The following IL12RB2 variants were observed in gnomAD, a reference collection of about 807,000 sequenced individuals.
The protein encoded by IL12RB2 is interleukin 12 receptor subunit beta 2, also known as interleukin-12 receptor subunit beta-2.
Under a neutral mutation model 89.4 loss-of-function variants are expected in IL12RB2, and 82 were observed. The observed-to-expected ratio is 0.92, with a 90% CI of 0.77 to 1.10. The LOEUF (loss-of-function observed/expected upper bound fraction) is 1.10, where lower values mean the gene tolerates loss of function less well. Among genes scored for constraint, IL12RB2 ranks in the 50% least tolerant of loss-of-function variants. The pLI, the probability that IL12RB2 is intolerant of heterozygous loss-of-function variation, is 0.00. For missense variants in IL12RB2, 963 were observed against 1,031.9 expected, an observed-to-expected ratio of 0.93 and a Z score of 0.92; for synonymous variants, 368 against 370.1, an observed-to-expected ratio of 0.99 and a Z score of 0.07.
chr1:67,347,466 T>C (rs933089931), intron 9 of IL12RB2, among the ~76,000 whole-genome samples: 1 of 152,226 alleles, frequency 6.6e-6, no homozygotes, highest in African/African-American at 2.4e-5. Context: ...AACAGATGCA[T>C]TGCATTCTGA....
chr1:67,337,721 C>T (rs181520767), intron 8 of IL12RB2, among the ~76,000 whole-genome samples: 164 of 151,984 alleles, frequency 1.1e-3, no homozygotes, highest in Non-Finnish European at 2.0e-3. Context: ...ATAGGACTTC[C>T]CTTTAAGTAC....
intron 1 of IL12RB2, among the ~76,000 whole-genome samples, chr1:67,311,431 C>G (rs1037038438): frequency 6.6e-6 from 1 of 152,148 alleles, no homozygotes; most frequent in African/African-American, 2.4e-5. Context: ...AATTCGAATC[C>G]AATTCTGGAT....
intron 13 of IL12RB2, 144 bp from the exon 14 acceptor site, chr1:67,379,842 C>A: frequency 1.5e-6 from 1 of 687,242 alleles, no homozygotes; most frequent in Non-Finnish European, 2.6e-6. Context: ...GTATTAAGTA[C>A]TGAGGAATTT....
rs1439324172 is a variant in IL12RB2 at position 67,390,229 on chromosome 1, A to G, written c.2046+101A>G. ...GAGGAAGCCTGGGTGCTGAGATCCT[A>G]TGGTTGAGCTTAAGTTATTCACGCT... On this transcript the variant is annotated intron_variant, in intron 16 of 16. Coordinates refer to ENST00000674203, the MANE Select transcript of IL12RB2 (RefSeq NM_001374259.2). The G allele has an allele frequency of 1.4e-5, 10 of 738,524 alleles. No individual in the cohort carries two copies. The East Asian group carries it at 1.6e-4, about 12-fold the overall frequency. The allele number at this position is 738,524 out of a possible 1,614,324, so 45.7% of individuals were successfully genotyped here.
At chr1:67,307,722 G>T (rs889220681), upstream of IL12RB2, 25 of 152,194 alleles carry the variant, frequency 1.6e-4, no homozygotes, top group African/African-American at 5.6e-4. Context: ...AGTCCTCTCC[G>T]CCCTGCGGCC....
chr1:67,386,871 T>TA (rs1557476264), intron 15 of IL12RB2, among the ~76,000 whole-genome samples: 51 of 24,340 alleles, frequency 2.1e-3, no homozygotes, highest in African/African-American at 3.2e-3. Context: ...AGAAATGTAT[T>TA]TTATATATAT....
intron 15 of IL12RB2, 105 bp from the exon 16 acceptor site, chr1:67,389,924 G>A: frequency 1.4e-6 from 1 of 725,764 alleles, no homozygotes; most frequent in Middle Eastern, 3.2e-4. Context: ...TCTTTTATTT[G>A]CATACAAAAG....
At chr1:67,378,705 C>G (rs1664230761) in intron 13 of IL12RB2, among the ~76,000 whole-genome samples, 1 of 151,520 alleles carries the variant, frequency 6.6e-6, no homozygotes, top group African/African-American at 2.4e-5. Context: ...CAAAACTTAG[C>G]CAAGCATGGT....
chr1:67,309,762 G>A (rs79064303), intron 1 of IL12RB2, among the ~76,000 whole-genome samples: 298 of 152,238 alleles, frequency 2.0e-3, no homozygotes, highest in African/African-American at 6.9e-3. Flanking sequence ...TAGGTATTGG[G>A]CATCATTTCT....
Position 67,313,926 on chromosome 1 carries a change from A to G in IL12RB2, c.-111A>G, listed in dbSNP as rs1452447568. The G allele has an allele frequency of 6.6e-6, 1 of 152,192 alleles. No homozygotes were observed. The highest frequency in any genetic ancestry group is 1.5e-5 in the Non-Finnish European group (1 of 68,054). 9.4% of individuals were successfully genotyped at this position (152,192 alleles called of 1,614,324 possible). A position where few individuals can be genotyped will look rare whatever the true frequency, so the allele number is the denominator to read the frequency against. On this transcript the variant is annotated 5_prime_UTR_variant, in exon 2 of 17. Coordinates refer to ENST00000674203, the MANE Select transcript of IL12RB2 (RefSeq NM_001374259.2). The stretch of plus-strand genomic sequence containing the variant: ...CTTTTTTTCTAGGTCACGGTGATCC[A>G]TTTGTAAAGTCGGGAATAAATGACC...
intron 8 of IL12RB2, 59 bp downstream of exon 8, chr1:67,330,869 G>C: frequency 5.5e-6 from 5 of 908,502 alleles, no homozygotes; most frequent in African/African-American, 1.6e-5. Context: ...GAGGGGGGAA[G>C]ATGTAATGAT....
chr1:67,318,514 G>A (rs928255961), intron 2 of IL12RB2, among the ~76,000 whole-genome samples: 2 of 152,126 alleles, frequency 1.3e-5, no homozygotes, highest in African/African-American at 4.8e-5. Context: ...ATGGAGAGAA[G>A]TGCATTGATC....
In IL12RB2 at chr1:67,397,448, C is replaced by G. The variant is rs1273425694; in HGVS notation, c.*1359C>G. ...GAGGTTGTCCTCAGAAGTGGTCTGT[C>G]CCCTGTTCCCAAAGGCACAGCTTTC... On this transcript the variant is annotated 3_prime_UTR_variant, in exon 17 of 17. Transcript: ENST00000674203. 1.3e-5 allele frequency among the ~76,000 whole-genome samples: 2 copies of G among 152,196 alleles called. No individual in the cohort carries two copies. The highest frequency in any genetic ancestry group is 2.9e-5 in the Non-Finnish European group (2 of 68,042).
At chr1:67,376,812 C>T (rs1664039282) in intron 13 of IL12RB2, among the ~76,000 whole-genome samples, 1 of 152,168 alleles carries the variant, frequency 6.6e-6, no homozygotes, top group African/African-American at 2.4e-5. Flanking sequence ...GTTAAGGATG[C>T]CCTCACAGAG....
intron 8 of IL12RB2, among the ~76,000 whole-genome samples, chr1:67,337,137 C>A (rs1019207976): frequency 6.6e-6 from 1 of 152,210 alleles, no homozygotes; most frequent in South Asian, 2.1e-4. Context: ...CACCTGCCCT[C>A]TACATGTGGG....
At chr1:67,385,416 G>A (rs1029459023) in intron 14 of IL12RB2, among the ~76,000 whole-genome samples, 1 of 152,138 alleles carries the variant, frequency 6.6e-6, no homozygotes, top group East Asian at 1.9e-4. Context: ...ACCTCCCAGT[G>A]GGTCCCTCCC....
chr1:67,367,686 G>C (rs1662857651), intron 10 of IL12RB2, 139 bp from the exon 11 acceptor site: 1 of 693,722 alleles, frequency 1.4e-6, no homozygotes, highest in Admixed American at 2.2e-5. Flanking sequence ...ACTTAAATCT[G>C]TGACTCCAAA....
chr1:67,368,580 G>A lies in IL12RB2; in HGVS notation c.1459+555G>A, dbSNP rs138423023. 1.6e-3 allele frequency among the ~76,000 whole-genome samples: 239 copies of A among 152,352 alleles called. 1 individual carries two copies. The highest frequency in any genetic ancestry group is 5.5e-3 in the African/African-American group (229 of 41,580). ...TAATCCTCAGTTTCCTAATCTGTCAGTGGTGAGAATCAAGTGAGAGAACGC... is the reference window on the plus strand; with the variant it reads ...TAATCCTCAGTTTCCTAATCTGTCAATGGTGAGAATCAAGTGAGAGAACGC... On this transcript the variant is annotated intron_variant, in intron 11 of 16. Coordinates refer to ENST00000674203, the MANE Select transcript of IL12RB2 (RefSeq NM_001374259.2).
In IL12RB2 at chr1:67,397,343, C is replaced by T. The variant is rs1284036624; in HGVS notation, c.*1254C>T. ...GGGCTGGACCAAAGGCTCCCTGACCCCTTGTTTCCTCTCCTTTTTGCTGCA... is the reference window on the plus strand; with the variant it reads ...GGGCTGGACCAAAGGCTCCCTGACCTCTTGTTTCCTCTCCTTTTTGCTGCA... On this transcript the variant is annotated 3_prime_UTR_variant, in exon 17 of 17. Coordinates refer to ENST00000674203, the MANE Select transcript of IL12RB2 (RefSeq NM_001374259.2). Among the ~76,000 whole-genome samples the T allele has an allele frequency of 6.6e-6, 1 of 152,026 alleles. No homozygotes were observed. The highest frequency in any genetic ancestry group is 1.5e-5 in the Non-Finnish European group (1 of 68,004).
Sources: gnomAD v4.1 joint callset for allele counts (sites outside exome capture counted in the v4.1 genomes callset) on GRCh38, gnomAD v4.1.1 for gene constraint, MANE v1.5 for transcripts, NCBI Gene and HGNC (gene_info 2026-07-23, HGNC 2026-07-21) for gene names.